ZNF695: variants seen among roughly 807,000 people sequenced by gnomAD.
The protein encoded by ZNF695 is zinc finger protein SBZF3.
In ZNF695, 11 loss-of-function variants were observed where a neutral mutation model predicts 11.2. That is an observed-to-expected ratio of 0.98 (90% CI 0.62 to 1.62). ZNF695 has a LOEUF of 1.62. Ranked by LOEUF, ZNF695 falls within the 40% of genes most tolerant of loss-of-function variation. The probability of loss-of-function intolerance (pLI) is 0.00; values close to 1 mark genes in which losing one functional copy is unlikely to be tolerated. For missense variants in ZNF695, 559 were observed against 590.5 expected, an observed-to-expected ratio of 0.95 and a Z score of 0.55; for synonymous variants, 190 against 201.4, an observed-to-expected ratio of 0.94 and a Z score of 0.48.
downstream of ZNF695, among the ~76,000 whole-genome samples, chr1:246,984,074 T>A (rs1384172095): frequency 7.0e-6 from 1 of 143,218 alleles, no homozygotes; most frequent in African/African-American, 2.6e-5. Flanking sequence ...ATTGCTTGAG[T>A]CTGGGAGGCA....
intron 4 of ZNF695, among the ~76,000 whole-genome samples, chr1:246,979,128 C>T (rs1352023587): frequency 6.6e-6 from 1 of 152,104 alleles, no homozygotes; most frequent in Non-Finnish European, 1.5e-5. Flanking sequence ...CTTTACATGG[C>T]CTGGGCTGGA....
intron 1 of ZNF695, among the ~76,000 whole-genome samples, chr1:247,002,776 C>A (rs1669424970): frequency 6.6e-6 from 1 of 150,738 alleles, no homozygotes; most frequent in African/African-American, 2.5e-5. Context: ...GAGTGAGACT[C>A]TGTCTCAAAA....
At chr1:246,998,732 C>T (rs1401933354) in intron 3 of ZNF695, among the ~76,000 whole-genome samples, 1 of 152,156 alleles carries the variant, frequency 6.6e-6, no homozygotes, top group African/African-American at 2.4e-5. Context: ...CTTTGGGAGG[C>T]CGAGGCAGGT....
At chr1:246,963,686 T>A (rs1668219103) in intron 5 of ZNF695, among the ~76,000 whole-genome samples, 1 of 152,180 alleles carries the variant, frequency 6.6e-6, no homozygotes, top group South Asian at 2.1e-4. Flanking sequence ...TCTTCTACAG[T>A]CATACTTGTC....
downstream of ZNF695, among the ~76,000 whole-genome samples, chr1:246,983,617 A>C (rs1344265439): frequency 6.6e-6 from 1 of 152,030 alleles, no homozygotes; most frequent in Non-Finnish European, 1.5e-5. Context: ...TGAGGAGTTC[A>C]AGACCAGCCT....
intron 3 of ZNF695, among the ~76,000 whole-genome samples, chr1:246,998,955 G>A (rs1669283380): frequency 6.6e-6 from 1 of 150,848 alleles, no homozygotes; most frequent in Non-Finnish European, 1.5e-5. Flanking sequence ...GCGACAGAAC[G>A]AGACTCTGTC....
chr1:246,957,168 G>A lies in ZNF695; in HGVS notation c.488+10527C>T, dbSNP rs182933437. ...GAGACCGAGGCCGGCAGATCATGAG[G>A]TCAAGAGATGGAGACCATCCTGGCC... On this transcript the variant is annotated intron_variant, in intron 5 of 5. Coordinates refer to the ZNF695 transcript ENST00000487338. Among the ~76,000 whole-genome samples, 644 of 152,254 alleles carry A rather than the reference G, an allele frequency of 4.2e-3. 8 individuals carry two copies. Among genetic ancestry groups the A allele is most frequent in the Non-Finnish European group, 5.4e-3 (364 of 68,024 alleles).
intron 4 of ZNF695, among the ~76,000 whole-genome samples, chr1:246,976,786 T>C (rs1455147702): frequency 6.6e-6 from 1 of 151,370 alleles, no homozygotes; most frequent in African/African-American, 2.4e-5. Flanking sequence ...AGAGCGAAAC[T>C]CCGTCTCAAA....
At chr1:246,964,020 T>C (rs1257365918) in intron 5 of ZNF695, among the ~76,000 whole-genome samples, 2 of 152,140 alleles carry the variant, frequency 1.3e-5, no homozygotes, top group African/African-American at 2.4e-5. Flanking sequence ...TTCACCTGTT[T>C]ATTAGGAAGG....
intron 5 of ZNF695, among the ~76,000 whole-genome samples, chr1:246,954,987 G>T (rs951962991): frequency 3.9e-5 from 6 of 152,064 alleles, no homozygotes; most frequent in African/African-American, 1.4e-4. Flanking sequence ...ATCTTGAATT[G>T]TAGCTCCCAT....
intron 3 of ZNF695, chr1:246,996,197 A>T (rs893201993): frequency 1.2e-5 from 4 of 331,038 alleles, no homozygotes; most frequent in African/African-American, 9.1e-5. Flanking sequence ...AATACAAAAA[A>T]AAAAGAAAAT....
chr1:246,954,888 A>G (rs543678566), intron 5 of ZNF695, among the ~76,000 whole-genome samples: 1 of 152,160 alleles, frequency 6.6e-6, no homozygotes, highest in Non-Finnish European at 1.5e-5. Flanking sequence ...ACACAAATCT[A>G]TATAGTATAG....
At position 246,987,903 on chromosome 1, in the gene ZNF695, T is replaced by A. The variant is rs1344322702; in HGVS notation, c.612A>T (p.Arg204Ser). Residue 204 changes from arginine to serine, a missense_variant, in exon 4 of 4, where the codon AGA becomes AGT. Transcript: ENST00000339986. ...CMSLIMTQQQ[R>S]IHIGENPYQC... ...GGTACGGGTTCTCTCCAATATGGAT[T>A]CTCTGCTGTTGAGTCATTATTAAAG... 6.2e-7 allele frequency: 1 copy of A among 1,609,188 alleles called. No individual in the cohort carries two copies. Among genetic ancestry groups the A allele is most frequent in the Non-Finnish European group, 8.5e-7 (1 of 1,178,672 alleles).
intron 5 of ZNF695, among the ~76,000 whole-genome samples, chr1:246,961,111 T>C (rs891496970): frequency 3.9e-5 from 6 of 152,344 alleles, no homozygotes; most frequent in Admixed American, 1.3e-4. Flanking sequence ...CCAAGAAACT[T>C]AGCTATTTCA....
At chr1:247,002,504 G>A (rs1669415429) in intron 1 of ZNF695, among the ~76,000 whole-genome samples, 1 of 152,120 alleles carries the variant, frequency 6.6e-6, no homozygotes, top group East Asian at 1.9e-4. Flanking sequence ...AAATAACCAA[G>A]GCCGGGCGTG....
intron 3 of ZNF695, chr1:246,996,089 T>G: frequency 2.2e-6 from 1 of 448,176 alleles, no homozygotes; most frequent in Non-Finnish European, 4.5e-6. Context: ...CCCGTGCCTG[T>G]AATCCCAGCA....
intron 1 of ZNF695, among the ~76,000 whole-genome samples, chr1:247,002,606 C>T (rs56281962): frequency 0.039 from 6,003 of 152,146 alleles, 154 homozygotes; most frequent in South Asian, 0.12. Flanking sequence ...GCCAACATGG[C>T]GAAACCCCAT....
chr1:246,953,262 A>G (rs752710749), intron 5 of ZNF695, among the ~76,000 whole-genome samples: 6 of 152,176 alleles, frequency 3.9e-5, no homozygotes, highest in Non-Finnish European at 8.8e-5. Context: ...TGTCATTACA[A>G]ATTGTAAATT....
At chr1:246,978,396 C>A (rs1371040211) in intron 4 of ZNF695, among the ~76,000 whole-genome samples, 1 of 152,122 alleles carries the variant, frequency 6.6e-6, no homozygotes, top group African/African-American at 2.4e-5. Flanking sequence ...CAAACATAAC[C>A]TGTTAATCTT....
Sources: gnomAD v4.1 joint callset for allele counts (sites outside exome capture counted in the v4.1 genomes callset) on GRCh38, gnomAD v4.1.1 for gene constraint, MANE v1.5 for transcripts, NCBI Gene and HGNC (gene_info 2026-07-23, HGNC 2026-07-21) for gene names.